Variants in WDR25 observed in about 807,000 individuals in gnomAD.
WDR25 encodes the protein WD repeat-containing protein 25.
A neutral mutation model predicts 47.7 loss-of-function variants in WDR25; 35 were observed. The ratio of observed to expected loss-of-function variants is 0.73; its 90% CI spans 0.56 to 0.97. The LOEUF is 0.97. WDR25 is among the 50% of genes least tolerant of loss of function. WDR25 has a pLI of 0.00. For missense variants in WDR25, 634 were observed against 704.7 expected (o/e 0.90, Z 1.14); for synonymous variants, 248 against 278.9 (o/e 0.89, Z 1.10).
intron 2 of WDR25, among the ~76,000 whole-genome samples, chr14:100,443,769 G>A (rs941631278): frequency 1.3e-5 from 2 of 152,164 alleles, no homozygotes; most frequent in Non-Finnish European, 2.9e-5. Context: ...AATTGGGAGC[G>A]CTCCGGGCTG....
intron 4 of WDR25, among the ~76,000 whole-genome samples, chr14:100,521,951 T>A (rs1446392074): frequency 6.6e-6 from 1 of 152,214 alleles, no homozygotes; most frequent in East Asian, 1.9e-4. Context: ...CTTTGGGATT[T>A]TGTTAATTTG....
chr14:100,403,030 T>C (rs1157666294), intron 2 of WDR25, among the ~76,000 whole-genome samples: 2 of 136,128 alleles, frequency 1.5e-5, no homozygotes, highest in African/African-American at 4.9e-5. Context: ...AGGGCTTCTG[T>C]ATTAGCAGTG....
intron 2 of WDR25, 88 bp from the exon 3 acceptor site, chr14:100,467,933 A>G (rs1899691643): frequency 6.6e-7 from 1 of 1,508,094 alleles, no homozygotes; most frequent in Non-Finnish European, 9.0e-7. Flanking sequence ...TTCCACCGAG[A>G]CCTTTTTCTT....
At chr14:100,518,343 T>C (rs903122928) in intron 4 of WDR25, among the ~76,000 whole-genome samples, 4 of 152,232 alleles carry the variant, frequency 2.6e-5, no homozygotes, top group Non-Finnish European at 4.4e-5. Flanking sequence ...TTTATGGTAT[T>C]TCAAATTGTT....
rs1194572561 is a variant in WDR25, at chr14:100,407,501, C to T, written c.822+25755C>T. The T allele has an allele frequency of 6.6e-6, 1 of 152,322 alleles. No homozygotes were observed. The highest frequency in any genetic ancestry group is 1.5e-5 in the Non-Finnish European group (1 of 68,122). The allele number at this position is 152,322 out of a possible 1,614,324, so 9.4% of individuals were successfully genotyped here. On this transcript the variant is annotated intron_variant, in intron 2 of 6. Coordinates refer to ENST00000402312, the MANE Select transcript of WDR25 (RefSeq NM_001161476.3). The surrounding 1 kb of genome is among the most constrained non-coding windows in gnomAD (Gnocchi z 4.1). ...ACGGGGCTGGCAGTTGTGTGTGGGG[C>T]TCATGGATGGTTTTAGGCCCTTCTG...
intron 2 of WDR25, among the ~76,000 whole-genome samples, chr14:100,433,663 TC>T (rs542862027): frequency 1.6e-4 from 24 of 151,684 alleles, no homozygotes; most frequent in Admixed American, 1.1e-3. Context: ...GAGTTTTCAT[TC>T]CCCCCCCATT....
chr14:100,513,486 A>T (rs1901379895), intron 4 of WDR25, among the ~76,000 whole-genome samples: 1 of 152,212 alleles, frequency 6.6e-6, no homozygotes, highest in Admixed American at 6.5e-5. Flanking sequence ...TAAATTGCCC[A>T]GTCTAAGGTA....
Position 100,529,246 on chromosome 14 carries a change from C to G in WDR25, c.1413+38C>G. 1 of 1,611,312 alleles carries G rather than the reference C, an allele frequency of 6.2e-7. No individual in the cohort carries two copies. Among genetic ancestry groups the G allele is most frequent in the Non-Finnish European group, 8.5e-7 (1 of 1,179,414 alleles). On this transcript the variant is annotated intron_variant, in intron 6 of 6. Transcript: ENST00000402312. The surrounding 1 kb of genome is among the most constrained non-coding windows in gnomAD (Gnocchi z 5.1). ...TTGTCCCCCAGGCGAATGCTGAGCC[C>G]CAGCCCCAAGCCTCCTGGCAGTCCT...
At chr14:100,524,340 G>T (rs1457220614) in intron 4 of WDR25, among the ~76,000 whole-genome samples, 1 of 152,090 alleles carries the variant, frequency 6.6e-6, no homozygotes, top group Non-Finnish European at 1.5e-5. Flanking sequence ...CTCAGCGAGT[G>T]GCAGGGAGGG....
intron 3 of WDR25, among the ~76,000 whole-genome samples, chr14:100,480,114 C>T (rs945956776): frequency 6.6e-6 from 1 of 152,184 alleles, no homozygotes; most frequent in African/African-American, 2.4e-5. Flanking sequence ...GTCCATCTTG[C>T]CAAAGACTGC....
chr14:100,446,277 G>GGTC (rs1350812380), intron 2 of WDR25, among the ~76,000 whole-genome samples: 1 of 152,142 alleles, frequency 6.6e-6, no homozygotes, highest in African/African-American at 2.4e-5. Flanking sequence ...AAAATGGGCT[G>GGTC]GTCGTGGTGG....
chr14:100,381,151 A>G lies in WDR25; in HGVS notation c.227A>G (p.Tyr76Cys), dbSNP rs765439153. The change falls in exon 2 of 7, where the codon TAT becomes TGT. Residue 76 changes from tyrosine (Y) to cysteine (C), a missense_variant. Coordinates refer to ENST00000402312, the MANE Select transcript of WDR25 (RefSeq NM_001161476.3). Reference sequence around the variant, plus strand: ...GGCTCCTGTGAAGACCCAGGGGGCTATCGCCTTCCATTGGCTCAGCTTGGG... The same window carrying G: ...GGCTCCTGTGAAGACCCAGGGGGCTGTCGCCTTCCATTGGCTCAGCTTGGG... ...KHGSCEDPGGYRLPLAQLGRS... is the reference protein window; with the variant it reads ...KHGSCEDPGGCRLPLAQLGRS... 1.9e-6 allele frequency: 3 copies of G among 1,614,208 alleles called. No individual in the cohort carries two copies. Among genetic ancestry groups the G allele is most frequent in the East Asian group, 2.2e-5 (1 of 44,874 alleles).
rs146421621 is a variant in WDR25, at chr14:100,467,067, C to T, written c.823-954C>T. ...CATTGAGTGTAACAGGGTTTTCTCT[C>T]ATGAGCCTCATACCCTCATGAAAGG... On this transcript the variant is annotated intron_variant, in intron 2 of 6. Transcript: ENST00000402312. Among the ~76,000 whole-genome samples, 130 of 152,336 alleles carry T rather than the reference C, an allele frequency of 8.5e-4. 1 individual carries two copies. The East Asian group carries it at 0.018, about 21-fold the overall frequency.
At position 100,477,782 on chromosome 14, in the gene WDR25, G is replaced by A. The variant is rs112050820; in HGVS notation, c.971-6212G>A. Among the ~76,000 whole-genome samples, 62 of 152,316 alleles carry A rather than the reference G, an allele frequency of 4.1e-4. 2 individuals carry two copies. Among genetic ancestry groups the A allele is most frequent in the African/African-American group, 1.5e-3 (62 of 41,576 alleles). On this transcript the variant is annotated intron_variant, in intron 3 of 6. Transcript: ENST00000402312. ...GCTGAAAAAGCATTAATCTGTGGAG[G>A]TTATTGCTATTTAAAAACCTGTATC...
intron 4 of WDR25, among the ~76,000 whole-genome samples, chr14:100,501,580 A>G (rs921331744): frequency 2.6e-5 from 4 of 152,178 alleles, no homozygotes; most frequent in Admixed American, 2.0e-4. Flanking sequence ...TAATTTTTTA[A>G]AGGGAGAAGT....
intron 2 of WDR25, among the ~76,000 whole-genome samples, chr14:100,457,284 A>T (rs977177567): frequency 6.6e-6 from 1 of 152,180 alleles, no homozygotes; most frequent in Non-Finnish European, 1.5e-5. Flanking sequence ...TGTTAAGGGG[A>T]AAAAAACTTA....
chr14:100,471,233 C>G (rs369959207), intron 3 of WDR25, among the ~76,000 whole-genome samples: 2 of 152,286 alleles, frequency 1.3e-5, no homozygotes, highest in East Asian at 3.9e-4. Flanking sequence ...CTTTGTGTCT[C>G]TATCCTCTGG....
chr14:100,494,944 A>T (rs1900683896), intron 4 of WDR25, among the ~76,000 whole-genome samples: 1 of 152,168 alleles, frequency 6.6e-6, no homozygotes, highest in Non-Finnish European at 1.5e-5. Context: ...GTTAGAGAGC[A>T]GCCTGGGCAA....
intron 1 of WDR25, among the ~76,000 whole-genome samples, chr14:100,378,069 G>A (rs1896766878): frequency 6.6e-6 from 1 of 152,120 alleles, no homozygotes; most frequent in Non-Finnish European, 1.5e-5. Context: ...TCTGGATTGT[G>A]CTTGGTGCTA....
Sources: gnomAD v4.1 joint callset for allele counts (sites outside exome capture counted in the v4.1 genomes callset) on GRCh38, gnomAD v4.1.1 for gene constraint, Gnocchi (gnomAD v3.1) non-coding constraint, MANE v1.5 for transcripts, NCBI Gene and HGNC (gene_info 2026-07-23, HGNC 2026-07-21) for gene names.